CERKL: variants seen among roughly 807,000 people sequenced by gnomAD.
CERKL encodes CERK like autophagy regulator, also known as ceramide kinase-like protein.
A neutral mutation model predicts 63.4 loss-of-function variants in CERKL; 61 were observed. The observed-to-expected ratio is 0.96, with a 90% CI of 0.78 to 1.19. The LOEUF (loss-of-function observed/expected upper bound fraction) is 1.19. Among genes scored for constraint, CERKL ranks in the 50% most tolerant of loss-of-function variants. The pLI is 0.00. For missense variants in CERKL, 675 were observed against 655.5 expected (o/e 1.03, Z -0.33); for synonymous variants, 250 against 230.5 (o/e 1.08, Z -0.77).
intron 5 of CERKL, among the ~76,000 whole-genome samples, chr2:181,554,312 T>C (rs1688113465): frequency 1.3e-5 from 2 of 152,158 alleles, no homozygotes; most frequent in Admixed American, 6.6e-5. Context: ...GACTTCCTAG[T>C]CAAGCATATC....
At chr2:181,639,483 T>C (rs1161918622) in intron 1 of CERKL, among the ~76,000 whole-genome samples, 1 of 152,242 alleles carries the variant, frequency 6.6e-6, no homozygotes, top group African/African-American at 2.4e-5. Flanking sequence ...ACTCCCATTT[T>C]CTTCATTTGT....
intron 2 of CERKL, among the ~76,000 whole-genome samples, chr2:181,587,913 C>T (rs192576585): frequency 6.1e-4 from 93 of 152,186 alleles, no homozygotes; most frequent in African/African-American, 1.8e-3. Flanking sequence ...ATTCCAAGAA[C>T]ATATGTTCCA....
At chr2:181,593,995 T>C (rs144144809) in intron 2 of CERKL, among the ~76,000 whole-genome samples, 3 of 152,010 alleles carry the variant, frequency 2.0e-5, no homozygotes, top group Admixed American at 2.0e-4. Flanking sequence ...TCCTTAGCCA[T>C]CTGTGAGGAT....
chr2:181,614,179 G>A (rs1287277249), intron 1 of CERKL, among the ~76,000 whole-genome samples: 3 of 152,142 alleles, frequency 2.0e-5, no homozygotes, highest in Non-Finnish European at 4.4e-5. Context: ...AGGCTTCTGA[G>A]GTTTCTCAGG....
intron 3 of CERKL, among the ~76,000 whole-genome samples, chr2:181,568,463 TTC>T (rs1559081759): frequency 1.3e-5 from 2 of 152,150 alleles, no homozygotes; most frequent in South Asian, 4.1e-4. Flanking sequence ...GGCCAGTTGT[TTC>T]TGTCTTTAAA....
At chr2:181,559,173 T>C (rs1688330557) in intron 4 of CERKL, among the ~76,000 whole-genome samples, 1 of 152,160 alleles carries the variant, frequency 6.6e-6, no homozygotes, top group African/African-American at 2.4e-5. Flanking sequence ...TTTAAGAAAC[T>C]GCTAATTATC....
At position 181,539,267 on chromosome 2, in the gene CERKL, A is replaced by AAAAAT. The variant is rs746476701; in HGVS notation, c.1366-8_1366-4dup. 6.4e-7 allele frequency: 1 copy of AAAAAT among 1,551,914 alleles called. No homozygotes were observed. Among genetic ancestry groups the AAAAAT allele is most frequent in the South Asian group, 1.1e-5 (1 of 89,708 alleles). ...GTCTCAACAAATGGAAAATTGAACT[A>AAAAAT]AAAATAAATACAAATAATCATTATA... On this transcript the variant is annotated splice_polypyrimidine_tract_variant and splice_region_variant and intron_variant, in intron 11 of 12. Coordinates refer to ENST00000410087, the MANE Select transcript of CERKL (RefSeq NM_201548.5).
rs1687289936 is a variant in CERKL, at chr2:181,538,207, T to C, written c.1576A>G (p.Met526Val). The C allele has an allele frequency of 1.9e-6, 3 of 1,586,240 alleles. No homozygotes were observed. Among genetic ancestry groups the C allele is most frequent in the South Asian group, 2.2e-5 (2 of 90,460 alleles). The change falls in exon 13 of 13, where the codon ATG (methionine) becomes GTG (valine). Residue 526 changes from methionine to valine, a missense_variant. Physicochemically the swap from Met to Val is conservative, Grantham distance 21. Transcript: ENST00000410087. ...PRLISLYGGS[M>V]EEMIPK is the part of the protein sequence containing the mutation. ...TGTTACTTTGGAATCATTTCTTCCA[T>C]GCTTCCTCCATAAAGACTGATAAGT...
intron 1 of CERKL, among the ~76,000 whole-genome samples, chr2:181,639,323 T>C (rs1687320997): frequency 6.6e-6 from 1 of 152,198 alleles, no homozygotes; most frequent in Non-Finnish European, 1.5e-5. Flanking sequence ...GAAAACTGTT[T>C]AAACTCAGTA....
At position 181,558,448 on chromosome 2, in the gene CERKL, G is replaced by T. The variant is rs996760003; in HGVS notation, c.820+118C>A. ...CTCACATTTGCTAGTGGGGATGCCA[G>T]AAGTCTGGATCTTTCAAAGTCTGTT... On this transcript the variant is annotated intron_variant, in intron 5 of 12. Coordinates refer to ENST00000410087, the MANE Select transcript of CERKL (RefSeq NM_201548.5). This position sits in a 1 kb window ranked among gnomAD's most constrained non-coding sequence, Gnocchi z 4.2. 1.8e-6 allele frequency: 2 copies of T among 1,128,168 alleles called. No individual in the cohort carries two copies. Among genetic ancestry groups the T allele is most frequent in the Non-Finnish European group, 2.7e-6 (2 of 753,618 alleles). 69.9% of individuals were successfully genotyped at this position (1,128,168 alleles called of 1,614,324 possible).
intron 2 of CERKL, among the ~76,000 whole-genome samples, chr2:181,585,121 T>C (rs957644208): frequency 1.2e-4 from 18 of 152,040 alleles, no homozygotes; most frequent in African/African-American, 4.3e-4. Context: ...TTTCATCTGA[T>C]TGCCTGGTAG....
intron 2 of CERKL, among the ~76,000 whole-genome samples, chr2:181,585,284 G>A (rs911713600): frequency 6.6e-6 from 1 of 152,098 alleles, no homozygotes; most frequent in South Asian, 2.1e-4. Flanking sequence ...CTGGCACACA[G>A]TAGGTGCCCA....
At chr2:181,589,871 C>T (rs1574476978) in intron 2 of CERKL, among the ~76,000 whole-genome samples, 1 of 152,180 alleles carries the variant, frequency 6.6e-6, no homozygotes, top group East Asian at 1.9e-4. Context: ...GTTGCCTAGG[C>T]TGGAGTGCAA....
chr2:181,547,929 T>C lies in CERKL; in HGVS notation c.1134-82A>G, dbSNP rs1687807720. 4.4e-5 allele frequency: 49 copies of C among 1,115,586 alleles called. No individual in the cohort carries two copies. The South Asian group carries it at 5.2e-4, about 12-fold the overall frequency. The allele number at this position is 1,115,586 out of a possible 1,614,324, so 69.1% of individuals were successfully genotyped here. On this transcript the variant is annotated intron_variant, in intron 8 of 12. Coordinates refer to ENST00000410087, the MANE Select transcript of CERKL (RefSeq NM_201548.5). ...CAGACACACACAAATCTATTAAATA[T>C]GAGAAAATTAGAGAACTCATCATTA...
chr2:181,573,927 T>C (rs1432058215), intron 2 of CERKL, 43 bp from the exon 3 acceptor site: 3 of 1,590,318 alleles, frequency 1.9e-6, no homozygotes, highest in Non-Finnish European at 2.6e-6. Flanking sequence ...GTCCTTGTCA[T>C]CATTTTTTTT....
intron 2 of CERKL, among the ~76,000 whole-genome samples, chr2:181,582,073 T>C (rs115125409): frequency 6.6e-6 from 1 of 152,354 alleles, no homozygotes; most frequent in African/African-American, 2.4e-5. Context: ...CATACATCTT[T>C]GTCACCAATC....
intron 3 of CERKL, among the ~76,000 whole-genome samples, chr2:181,567,629 ACTAT>A (rs1173611843): frequency 1.3e-5 from 2 of 152,184 alleles, no homozygotes; most frequent in East Asian, 3.8e-4. Context: ...AAAGAACCTG[ACTAT>A]CTACATCTAT....
rs1214980668 is a variant in CERKL at position 181,566,129 on chromosome 2, A to G, written c.614-8T>C. On this transcript the variant is annotated splice_region_variant and splice_polypyrimidine_tract_variant and intron_variant, in intron 3 of 12. Transcript: ENST00000410087. ...GCCCTTCATATTCCATTACTATTAA[A>G]AAAACACACACACATACACAAAGTG... 6.2e-7 allele frequency: 1 copy of G among 1,605,764 alleles called. No individual in the cohort carries two copies. Among genetic ancestry groups the G allele is most frequent in the Non-Finnish European group, 8.5e-7 (1 of 1,172,744 alleles).
rs577559327 is a variant in CERKL, at chr2:181,594,353, T to C, written c.481+9484A>G. 2.6e-5 allele frequency among the ~76,000 whole-genome samples: 4 copies of C among 151,858 alleles called. No individual in the cohort carries two copies. The East Asian group carries it at 7.7e-4, about 29-fold the overall frequency. ...GCAGTGCCAGGAACATATAAAAGAGTAAGTGCCTGGTTTGCTCAGGTACAG... is the reference window on the plus strand; with the variant it reads ...GCAGTGCCAGGAACATATAAAAGAGCAAGTGCCTGGTTTGCTCAGGTACAG... On this transcript the variant is annotated intron_variant, in intron 2 of 12. Coordinates refer to ENST00000410087, the MANE Select transcript of CERKL (RefSeq NM_201548.5).
Sources: gnomAD v4.1 joint callset for allele counts (sites outside exome capture counted in the v4.1 genomes callset) on GRCh38, gnomAD v4.1.1 for gene constraint, Gnocchi (gnomAD v3.1) non-coding constraint, MANE v1.5 for transcripts, NCBI Gene and HGNC (gene_info 2026-07-23, HGNC 2026-07-21) for gene names.